TFCP2L1: variants seen among roughly 807,000 people sequenced by gnomAD.
The protein encoded by TFCP2L1 is transcription factor CP2-like protein 1.
TFCP2L1 carries 12 observed loss-of-function variants against 72.2 expected under a neutral mutation model. The ratio of observed to expected loss-of-function variants is 0.17; its 90% CI spans 0.11 to 0.27. The LOEUF (loss-of-function observed/expected upper bound fraction) is 0.27, where lower values mean the gene tolerates loss of function less well. Among genes scored for constraint, TFCP2L1 ranks in the 10% least tolerant of loss-of-function variants. TFCP2L1 has a pLI of 1.00. For synonymous variants in TFCP2L1, 260 were observed against 251.0 expected (o/e 1.04, Z -0.34); for missense variants, 488 against 624.6 (o/e 0.78, Z 2.33).
At chr2:121,259,737 A>C (rs1686797408) in intron 2 of TFCP2L1, among the ~76,000 whole-genome samples, 1 of 152,254 alleles carries the variant, frequency 6.6e-6, no homozygotes, top group African/African-American at 2.4e-5. Flanking sequence ...TTTTAAAATA[A>C]GTTATACTCA....
At chr2:121,252,734 A>T (rs973583192) in intron 2 of TFCP2L1, among the ~76,000 whole-genome samples, 4 of 152,200 alleles carry the variant, frequency 2.6e-5, no homozygotes, top group South Asian at 2.1e-4. Context: ...TCCGACTGCT[A>T]ATCTCCAGAA....
intron 6 of TFCP2L1, among the ~76,000 whole-genome samples, chr2:121,244,028 G>A (rs1007747198): frequency 7.2e-5 from 11 of 152,178 alleles, no homozygotes; most frequent in South Asian, 2.1e-4. Context: ...AGGGATGTGC[G>A]CAACAGATCC....
rs750107740 is a variant in TFCP2L1 at position 121,269,907 on chromosome 2, T to TCAAAAAAAAAAAAAAAA, written c.214+11212_214+11213insTTTTTTTTTTTTTTTTG. ...CTGGGTGACAGAGCAAGACTCCATC[T>TCAAAAAAAAAAAAAAAA]AAAAAAAAAAAATATATATATATAT... On this transcript the variant is annotated intron_variant, in intron 2 of 14. Transcript: ENST00000263707. Among the ~76,000 whole-genome samples the TCAAAAAAAAAAAAAAAA allele has an allele frequency of 4.6e-4, 36 of 77,478 alleles. 2 individuals are homozygous for TCAAAAAAAAAAAAAAAA. The highest frequency in any genetic ancestry group is 1.4e-3 in the African/African-American group (21 of 14,818). The allele number at this position is 77,478 out of a possible 152,430, so 50.8% of individuals were successfully genotyped here. A position where few individuals can be genotyped will look rare whatever the true frequency, so the allele number is the denominator to read the frequency against.
intron 5 of TFCP2L1, among the ~76,000 whole-genome samples, chr2:121,247,798 C>A (rs1034810867): frequency 6.6e-6 from 1 of 151,876 alleles, no homozygotes; most frequent in African/African-American, 2.4e-5. Flanking sequence ...GCATATAACA[C>A]AAGGCTGGAT....
At chr2:121,242,289 A>C (rs1294678980) in intron 7 of TFCP2L1, 70 bp downstream of exon 7, 2 of 1,392,388 alleles carry the variant, frequency 1.4e-6, no homozygotes, top group East Asian at 2.3e-5. Context: ...TTTTCCAAGA[A>C]TCTAAACCAG....
At chr2:121,271,362 T>G (rs1687044922) in intron 2 of TFCP2L1, among the ~76,000 whole-genome samples, 1 of 152,086 alleles carries the variant, frequency 6.6e-6, no homozygotes, top group Admixed American at 6.6e-5. Context: ...CTACGAAAAA[T>G]CTGGAAGGTA....
intron 13 of TFCP2L1, among the ~76,000 whole-genome samples, chr2:121,229,852 C>A (rs1169600561): frequency 2.0e-5 from 3 of 152,224 alleles, no homozygotes; most frequent in Non-Finnish European, 4.4e-5. Flanking sequence ...CAGTCCAATT[C>A]CAAACCCTGC....
At position 121,246,810 on chromosome 2, in the gene TFCP2L1, C is replaced by T; in HGVS notation, c.657+8G>A. The T allele has an allele frequency of 1.2e-6, 2 of 1,614,102 alleles. No individual in the cohort carries two copies. The highest frequency in any genetic ancestry group is 1.3e-5 in the African/African-American group (1 of 75,048). ...CAGGGCACGGCAGAGCCTGCGAAGC[C>T]ATCCTACCTTGAACACCTTGATCTG... On this transcript the variant is annotated splice_region_variant and intron_variant, in intron 6 of 14. Coordinates refer to ENST00000263707, the MANE Select transcript of TFCP2L1 (RefSeq NM_014553.3).
In TFCP2L1 at chr2:121,271,709, G is replaced by A. The variant is rs372462230; in HGVS notation, c.214+9411C>T. On this transcript the variant is annotated intron_variant, in intron 2 of 14. Transcript: ENST00000263707. ...TTGTTGTTCACGTAACCCACAAAGT[G>A]AAACTGTCCTGGTTTCATAAATGAG... Among the ~76,000 whole-genome samples the A allele has an allele frequency of 4.6e-5, 7 of 152,302 alleles. No individual in the cohort carries two copies. The East Asian group carries it at 1.2e-3, about 25-fold the overall frequency.
chr2:121,248,988 C>A lies in TFCP2L1; in HGVS notation c.391G>T (p.Asp131Tyr). ...RWSRPGDRIL[D>Y]IDIPLSVGIL... is the part of the protein sequence containing the mutation. The stretch of plus-strand genomic sequence containing the variant: ...TCCTGGCCAGGAGACTCACCGATGT[C>A]CAGGATCCGGTCCCCTGGCCGACTC... The change falls in exon 4 of 15, where the codon GAC becomes TAC. Residue 131 changes from aspartate (D) to tyrosine (Y), a missense_variant. Asp to Tyr is a radical substitution (Grantham distance 160, BLOSUM62 -3). Coordinates refer to ENST00000263707, the MANE Select transcript of TFCP2L1 (RefSeq NM_014553.3). The A allele has an allele frequency of 6.3e-7, 1 of 1,596,842 alleles. No individual in the cohort carries two copies. Among genetic ancestry groups the A allele is most frequent in the Non-Finnish European group, 8.5e-7 (1 of 1,172,270 alleles).
In TFCP2L1 at chr2:121,225,599, G is replaced by A. The variant is rs758295398; in HGVS notation, c.1356C>T (p.Phe452=). 2 of 1,614,136 alleles carry A rather than the reference G, an allele frequency of 1.2e-6. No individual in the cohort carries two copies. Among genetic ancestry groups the A allele is most frequent in the Non-Finnish European group, 1.7e-6 (2 of 1,180,030 alleles). The stretch of plus-strand genomic sequence containing the variant: ...TGAGGACAAAACAGGATTCATCTTG[G>A]AAGTTCTGCACCATCTGAGAGACAA... The part of the protein sequence containing the change: ...VVVSNEMVQN[F]QDESCFVLST... Residue 452 remains phenylalanine (F), a synonymous_variant, in exon 14 of 15, where the codon TTC becomes TTT. Transcript: ENST00000263707.
At chr2:121,243,982 C>T (rs1043690059) in intron 6 of TFCP2L1, among the ~76,000 whole-genome samples, 4 of 152,232 alleles carry the variant, frequency 2.6e-5, no homozygotes, top group African/African-American at 4.8e-5. Context: ...TGGAGTGATG[C>T]CTGCCCTGGA....
intron 5 of TFCP2L1, among the ~76,000 whole-genome samples, chr2:121,247,862 G>GA (rs1326787935): frequency 2.0e-5 from 3 of 152,108 alleles, no homozygotes; most frequent in Non-Finnish European, 2.9e-5. Flanking sequence ...AACTATAATA[G>GA]AAAAAATGTT....
chr2:121,249,044 G>A lies in TFCP2L1; in HGVS notation c.335C>T (p.Thr112Met), dbSNP rs546979703. 9.4e-6 allele frequency: 15 copies of A among 1,602,702 alleles called. No individual in the cohort carries two copies. Among genetic ancestry groups the A allele is most frequent in the Non-Finnish European group, 1.3e-5 (15 of 1,174,728 alleles). Reference sequence around the variant, plus strand: ...CCAGCCCTCCAGCTGCTGGTGCTCCGTATACTGCAGCCGGCGGTCATGGAA... The same window carrying A: ...CCAGCCCTCCAGCTGCTGGTGCTCCATATACTGCAGCCGGCGGTCATGGAA... ...VVFHDRRLQY[T>M]EHQQLEGWRW... Residue 112 changes from threonine (T) to methionine (M), a missense_variant, in exon 4 of 15, where the codon ACG (threonine) becomes ATG (methionine). Coordinates refer to ENST00000263707, the MANE Select transcript of TFCP2L1 (RefSeq NM_014553.3).
At chr2:121,259,519 T>C (rs186309466) in intron 2 of TFCP2L1, among the ~76,000 whole-genome samples, 71 of 152,370 alleles carry the variant, frequency 4.7e-4, no homozygotes, top group African/African-American at 1.3e-3. Context: ...ATGGAGGATA[T>C]ACATACTAAC....
chr2:121,237,807 T>G lies in TFCP2L1; in HGVS notation c.904A>C (p.Ser302Arg). ...THPVEALPVG[S>R]DHLLPSASIQ... ...AGCCCTGCTCAGACACTTACGTCAC[T>G]GCCCACGGGCAGGGCCTCCACCGGG... The change falls in exon 9 of 15, where the codon AGT becomes CGT. Residue 302 changes from serine to arginine, a missense_variant. This residue lies in a region of TFCP2L1 where 286 missense variants were observed against 329.0 expected (regional missense o/e 0.87). Coordinates refer to ENST00000263707, the MANE Select transcript of TFCP2L1 (RefSeq NM_014553.3). 2 of 1,614,102 alleles carry G rather than the reference T, an allele frequency of 1.2e-6. No individual in the cohort carries two copies. The highest frequency in any genetic ancestry group is 1.7e-6 in the Non-Finnish European group (2 of 1,180,008).
Position 121,224,380 on chromosome 2 carries a change from G to A in TFCP2L1, c.1401C>T (p.Ser467=). 1 of 1,613,870 alleles carries A rather than the reference G, an allele frequency of 6.2e-7. No individual in the cohort carries two copies. The highest frequency in any genetic ancestry group is 1.7e-5 in the Admixed American group (1 of 59,986). The change falls in exon 15 of 15, where the codon AGC becomes AGT. Residue 467 remains serine (S), a synonymous_variant. Coordinates refer to ENST00000263707, the MANE Select transcript of TFCP2L1 (RefSeq NM_014553.3). ...TCAGGATGATGTGGTAGCCATCATT[G>A]CTCTCAGCTGCAAGAGAGAAACACT... ...CFVLSTIKAE[S]NDGYHIILKC... is the part of the protein sequence containing the mutation.
At chr2:121,270,929 C>T (rs191517126) in intron 2 of TFCP2L1, among the ~76,000 whole-genome samples, 105 of 148,976 alleles carry the variant, frequency 7.0e-4, no homozygotes, top group Non-Finnish European at 1.4e-3. Flanking sequence ...GTGGCTCACA[C>T]CTGTAATCCC....
chr2:121,275,256 CGCCTGTAGTCGCGG>C (rs1687122661), intron 2 of TFCP2L1, among the ~76,000 whole-genome samples: 1 of 7,272 alleles, frequency 1.4e-4, no homozygotes, highest in Non-Finnish European at 2.3e-4. Context: ...TGGCGGCGGG[CGCCTGTAGTCGCGG>C]CGCCTGTAGT....
Sources: allele counts gnomAD v4.1 joint callset (sites outside exome capture counted in the v4.1 genomes callset), GRCh38; gene constraint gnomAD v4.1.1; regional missense constraint gnomAD v4.1.1; transcripts MANE v1.5; gene names NCBI Gene and HGNC (gene_info 2026-07-23, HGNC 2026-07-21).